RNF212: variants seen among roughly 807,000 people sequenced by gnomAD.
RNF212 encodes ring finger protein 212.
A neutral mutation model predicts 34.7 loss-of-function variants in RNF212; 33 were observed. The ratio of observed to expected loss-of-function variants is 0.95; its 90% CI spans 0.72 to 1.27. RNF212 has a LOEUF of 1.27. Ranked by LOEUF, RNF212 falls within the 50% of genes most tolerant of loss-of-function variation. RNF212 has a pLI of 0.00. For synonymous variants in RNF212, 140 were observed against 136.1 expected, an observed-to-expected ratio of 1.03 and a Z score of -0.20; for missense variants, 377 against 362.2, an observed-to-expected ratio of 1.04 and a Z score of -0.33.
intron 7 of RNF212, among the ~76,000 whole-genome samples, chr4:1,080,241 G>A (rs1378190663): frequency 6.6e-6 from 1 of 152,158 alleles, no homozygotes; most frequent in Non-Finnish European, 1.5e-5. Context: ...GCGGAAAGAG[G>A]CTCACTCTTT....
intron 5 of RNF212, 90 bp downstream of exon 5, chr4:1,085,806 C>T: frequency 1.1e-6 from 1 of 905,410 alleles, no homozygotes; most frequent in Non-Finnish European, 1.9e-6. Context: ...CTGCAGTCAT[C>T]TTTCATTCTT....
intron 5 of RNF212, 161 bp from the exon 6 acceptor site, chr4:1,081,780 T>C: frequency 1.6e-6 from 1 of 618,906 alleles, no homozygotes; most frequent in South Asian, 1.9e-5. Flanking sequence ...TAGCGTCCTG[T>C]GAGTCGCACG....
At chr4:1,081,498 C>G (rs764426958) in intron 6 of RNF212, 31 bp from the exon 7 acceptor site, 1 of 1,611,338 alleles carries the variant, frequency 6.2e-7, no homozygotes, top group Non-Finnish European at 8.5e-7. Context: ...ATGCCAGCGT[C>G]AGTGCACACA....
At position 1,109,312 on chromosome 4, in the gene RNF212, A is replaced by G. The variant is rs900230085; in HGVS notation, c.110-908T>C. 2.5e-4 allele frequency among the ~76,000 whole-genome samples: 38 copies of G among 152,290 alleles called. 2 individuals are homozygous for G. Among genetic ancestry groups the G allele is most frequent in the Non-Finnish European group, 1.2e-4 (8 of 68,010 alleles). On this transcript the variant is annotated intron_variant, in intron 1 of 9. Transcript: ENST00000433731. ...CATGAGCCACCATGCCCAGCCTATGATTAGGCTTTATAGTGATATCTTAAT... is the reference window on the plus strand; with the variant it reads ...CATGAGCCACCATGCCCAGCCTATGGTTAGGCTTTATAGTGATATCTTAAT...
At chr4:1,057,133 G>GCACGCA (rs1717376913) in intron 4 of RNF212, 1 of 274,512 alleles carries the variant, frequency 3.6e-6, no homozygotes, top group Admixed American at 6.5e-5. Context: ...CCTCGGAGCA[G>GCACGCA]CACGCACACC....
chr4:1,076,530 A>G lies in RNF212; in HGVS notation c.511-2868T>C, dbSNP rs866437969. 8.5e-5 allele frequency among the ~76,000 whole-genome samples: 13 copies of G among 152,284 alleles called. No individual in the cohort carries two copies. In the South Asian group the frequency reaches 2.5e-3, roughly 29 times the overall value. On this transcript the variant is annotated intron_variant, in intron 8 of 9. Coordinates refer to ENST00000433731, the MANE Select transcript of RNF212 (RefSeq NM_001131034.4). Reference sequence around the variant, plus strand: ...GAGAGGCCTGCACACTGCTCTCTGCAGGCCAGAGAGTGAGACCTCAGTCTG... The same window carrying G: ...GAGAGGCCTGCACACTGCTCTCTGCGGGCCAGAGAGTGAGACCTCAGTCTG...
At chr4:1,111,132 C>T (rs912646148) in intron 1 of RNF212, among the ~76,000 whole-genome samples, 32 of 152,308 alleles carry the variant, frequency 2.1e-4, no homozygotes, top group East Asian at 1.7e-3. Context: ...GTCCAATGGA[C>T]ACTTTCAAAC....
chr4:1,076,789 C>A (rs897891628), intron 8 of RNF212, among the ~76,000 whole-genome samples: 1 of 152,234 alleles, frequency 6.6e-6, no homozygotes, highest in Admixed American at 6.5e-5. Flanking sequence ...CTATGGCCTG[C>A]AGCCTGTTTT....
At chr4:1,085,678 A>C in intron 5 of RNF212, 10 of 561,328 alleles carry the variant, frequency 1.8e-5, no homozygotes, top group East Asian at 6.1e-5. Flanking sequence ...CCCAAGGGGA[A>C]ACCATTCATC....
chr4:1,077,488 C>G (rs1272289940), intron 8 of RNF212, among the ~76,000 whole-genome samples: 33 of 152,216 alleles, frequency 2.2e-4, no homozygotes. Flanking sequence ...CTGCCTTGGC[C>G]TCCCAAAGTG....
At chr4:1,111,143 A>T (rs1031501529) in intron 1 of RNF212, among the ~76,000 whole-genome samples, 3 of 151,974 alleles carry the variant, frequency 2.0e-5, no homozygotes, top group Non-Finnish European at 2.9e-5. Flanking sequence ...ACTTTCAAAC[A>T]CCAATTCCTT....
downstream of RNF212, among the ~76,000 whole-genome samples, chr4:1,067,143 A>C (rs1487850016): frequency 2.6e-5 from 4 of 152,066 alleles, no homozygotes; most frequent in African/African-American, 9.7e-5. Flanking sequence ...ATTTAACTTT[A>C]CCTCCTAAAG....
rs150320559 is a variant in RNF212 at position 1,073,640 on chromosome 4, G to A, written c.533C>T (p.Ala178Val). Residue 178 changes from alanine (A) to valine (V), a missense_variant, in exon 9 of 10, where the codon GCG becomes GTG. Coordinates refer to ENST00000433731, the MANE Select transcript of RNF212 (RefSeq NM_001131034.4). ...IRKSEIAAGP[A>V]RISMISPPQD... Reference sequence around the variant, plus strand: ...AGGTGGACTAATCATGGAGATTCTCGCAGGGCCGGCTGCTATCTCAGACTA... The same window carrying A: ...AGGTGGACTAATCATGGAGATTCTCACAGGGCCGGCTGCTATCTCAGACTA... 9.9e-6 allele frequency: 16 copies of A among 1,611,900 alleles called. No homozygotes were observed. The highest frequency in any genetic ancestry group is 2.2e-5 in the East Asian group (1 of 44,856).
upstream of RNF212, chr4:1,113,589 C>T (rs1342227003): frequency 7.6e-6 from 5 of 658,730 alleles, no homozygotes; most frequent in Admixed American, 2.0e-4. Flanking sequence ...GACGGCAGCC[C>T]TGCGCCCGCG....
In RNF212 at chr4:1,093,477, T is replaced by C. The variant is rs1670534; in HGVS notation, c.247-2639A>G. 1,125,410 of 1,449,300 alleles carry C rather than the reference T, an allele frequency of 0.78. 440,015 individuals carry two copies. Among genetic ancestry groups the C allele is most frequent in the African/African-American group, 0.95 (66,294 of 69,880 alleles). 89.8% of individuals were successfully genotyped at this position (1,449,300 alleles called of 1,614,324 possible). ...GGAAAACTCCACCCTGCGTTTGTGA[T>C]GCTCACCTCCACAGTGTAACTGACA... is the stretch of plus-strand genomic sequence containing the variant. On this transcript the variant is annotated intron_variant, in intron 3 of 9. Transcript: ENST00000433731.
At chr4:1,108,628 A>G (rs1389181361) in intron 1 of RNF212, among the ~76,000 whole-genome samples, 1 of 152,244 alleles carries the variant, frequency 6.6e-6, no homozygotes, top group Non-Finnish European at 1.5e-5. Flanking sequence ...AACAGTGACC[A>G]TAAAGATCAA....
downstream of RNF212, among the ~76,000 whole-genome samples, chr4:1,068,925 T>A (rs566457520): frequency 5.3e-5 from 8 of 152,174 alleles, no homozygotes; most frequent in Non-Finnish European, 1.2e-4. Context: ...TCTATGAATA[T>A]GGCTGGACGC....
intron 3 of RNF212, chr4:1,093,800 G>C (rs965061372): frequency 1.2e-5 from 18 of 1,536,218 alleles, no homozygotes; most frequent in African/African-American, 2.7e-5. Context: ...CAGGGTGAGG[G>C]GGTGAGGTGC....
chr4:1,062,304 T>A (rs1717801511), intron 3 of RNF212, among the ~76,000 whole-genome samples: 1 of 152,192 alleles, frequency 6.6e-6, no homozygotes, highest in Non-Finnish European at 1.5e-5. Flanking sequence ...GGGATTCATC[T>A]CAGGAATGCA....
Sources: gnomAD v4.1 joint callset for allele counts (sites outside exome capture counted in the v4.1 genomes callset) on GRCh38, gnomAD v4.1.1 for gene constraint, MANE v1.5 for transcripts, NCBI Gene and HGNC (gene_info 2026-07-23, HGNC 2026-07-21) for gene names.